The following ELMO1 variants were observed in gnomAD, a reference collection of about 807,000 sequenced individuals.
ELMO1 encodes the protein engulfment and cell motility 1, also known as engulfment and cell motility protein 1.
In ELMO1, 26 loss-of-function variants were observed where a neutral mutation model predicts 98.9. The ratio of observed to expected loss-of-function variants is 0.26; its 90% CI spans 0.19 to 0.36. ELMO1 has a LOEUF of 0.36. Among genes scored for constraint, ELMO1 ranks in the 10% least tolerant of loss-of-function variants. The pLI is 1.00. For missense variants in ELMO1, 627 were observed against 935.2 expected (o/e 0.67, Z 4.30); for synonymous variants, 346 against 346.0 (o/e 1.00, Z 0.00).
chr7:37,079,568 C>T (rs1488789531), intron 15 of ELMO1, among the ~76,000 whole-genome samples: 3 of 152,132 alleles, frequency 2.0e-5, no homozygotes, highest in African/African-American at 7.2e-5. Flanking sequence ...GCTCTTAACC[C>T]ATCTAGTTGG....
At chr7:37,346,816 T>C (rs1184490855) in intron 1 of ELMO1, among the ~76,000 whole-genome samples, 1 of 152,172 alleles carries the variant, frequency 6.6e-6, no homozygotes, top group Non-Finnish European at 1.5e-5. Flanking sequence ...GCAAAAAAGG[T>C]CATCTAACCT....
chr7:37,144,411 C>T (rs771877423), intron 13 of ELMO1, among the ~76,000 whole-genome samples: 4 of 152,168 alleles, frequency 2.6e-5, no homozygotes, highest in Non-Finnish European at 4.4e-5. Context: ...GACAAAAATA[C>T]TCTGAGAGCC....
At chr7:37,384,273 T>G (rs894883347) in intron 1 of ELMO1, among the ~76,000 whole-genome samples, 1 of 152,210 alleles carries the variant, frequency 6.6e-6, no homozygotes, top group South Asian at 2.1e-4. Context: ...ACGATTAAGA[T>G]GATACTATGC....
intron 1 of ELMO1, among the ~76,000 whole-genome samples, chr7:37,405,859 A>G (rs1803735906): frequency 6.6e-6 from 1 of 152,222 alleles, no homozygotes; most frequent in Admixed American, 6.5e-5. Context: ...TGGTCCCAAC[A>G]GCTAGCCTCT....
At chr7:37,142,529 C>A (rs774423211) in intron 13 of ELMO1, among the ~76,000 whole-genome samples, 4 of 152,214 alleles carry the variant, frequency 2.6e-5, no homozygotes, top group Non-Finnish European at 4.4e-5. Context: ...GCAATGATTT[C>A]ATTGGACAAT....
In ELMO1 at chr7:37,350,017, A is replaced by G. The variant is rs967711037; in HGVS notation, c.-73-7254T>C. ...AGTCTTTGTTTCCCATGGGAGCAGC[A>G]GTGGTGGGCACATGTCCCCCCACCT... On this transcript the variant is annotated intron_variant, in intron 1 of 21. Transcript: ENST00000310758. 3.9e-5 allele frequency among the ~76,000 whole-genome samples: 6 copies of G among 152,044 alleles called. No homozygotes were observed. The South Asian group carries it at 6.2e-4, about 16-fold the overall frequency.
At chr7:37,259,399 C>T (rs990284613) in intron 5 of ELMO1, 49 bp from the exon 6 acceptor site, 1 of 1,578,904 alleles carries the variant, frequency 6.3e-7, no homozygotes, top group Non-Finnish European at 8.6e-7. Context: ...GAAACCACAA[C>T]AGCAAAACAG....
chr7:37,076,045 C>T (rs1029145818), intron 15 of ELMO1, among the ~76,000 whole-genome samples: 5 of 152,186 alleles, frequency 3.3e-5, no homozygotes, highest in African/African-American at 1.2e-4. Context: ...CATCCCAGTA[C>T]ACAGGCAGAT....
intron 16 of ELMO1, among the ~76,000 whole-genome samples, chr7:36,920,644 G>C (rs1334666279): frequency 2.0e-5 from 3 of 151,966 alleles, no homozygotes; most frequent in East Asian, 3.9e-4. Context: ...AAAAAATCTG[G>C]CATAAAACAT....
At chr7:37,267,306 A>G (rs1459753453) in intron 5 of ELMO1, among the ~76,000 whole-genome samples, 1 of 152,176 alleles carries the variant, frequency 6.6e-6, no homozygotes. Context: ...CACGTATCAC[A>G]TTCTTACTAA....
intron 13 of ELMO1, among the ~76,000 whole-genome samples, chr7:37,193,233 A>T (rs1046856145): frequency 6.6e-6 from 1 of 151,794 alleles, no homozygotes; most frequent in Admixed American, 6.6e-5. Context: ...ATTCTTGGTG[A>T]GGGGGGAGGC....
chr7:36,911,457 G>A (rs1374350716), intron 16 of ELMO1, among the ~76,000 whole-genome samples: 1 of 152,148 alleles, frequency 6.6e-6, no homozygotes, highest in Non-Finnish European at 1.5e-5. Context: ...AAGCAAGGCT[G>A]TAAATGCTTG....
At position 37,292,094 on chromosome 7, in the gene ELMO1, C is replaced by T. The variant is rs563752802; in HGVS notation, c.193-20212G>A. On this transcript the variant is annotated intron_variant, in intron 4 of 21. Transcript: ENST00000310758. ...TGCCCAGTACCTGCGATTGCAGGCG[C>T]GCACCGCCACGCCTGACTGGTTTTC... Among the ~76,000 whole-genome samples, 409 of 125,418 alleles carry T rather than the reference C, an allele frequency of 3.3e-3. 67 individuals are homozygous for T. The highest frequency in any genetic ancestry group is 0.01 in the African/African-American group (385 of 38,170). 82.3% of individuals were successfully genotyped at this position (125,418 alleles called of 152,430 possible). A position where few individuals can be genotyped will look rare whatever the true frequency, so the allele number is the denominator to read the frequency against.
intron 1 of ELMO1, among the ~76,000 whole-genome samples, chr7:37,398,663 T>G (rs1467623511): frequency 7.3e-6 from 1 of 137,032 alleles, no homozygotes; most frequent in Non-Finnish European, 1.6e-5. Flanking sequence ...CCTGCTCACG[T>G]GTACTGCTGC....
rs908237591 is a variant in ELMO1 at position 37,402,523 on chromosome 7, G to A, written c.-74+46152C>T. Among the ~76,000 whole-genome samples the A allele has an allele frequency of 5.9e-5, 9 of 152,040 alleles. No individual in the cohort carries two copies. In the South Asian group the frequency reaches 6.2e-4, roughly 11 times the overall value. On this transcript the variant is annotated intron_variant, in intron 1 of 21. Coordinates refer to ENST00000310758, the MANE Select transcript of ELMO1 (RefSeq NM_014800.11). ...GAACTTGATGCCTGGTGCTACAGCC[G>A]CCATCTTAAGACCATGAAGTATGAG...
intron 6 of ELMO1, among the ~76,000 whole-genome samples, chr7:37,247,615 A>C (rs1004492924): frequency 6.6e-6 from 1 of 152,184 alleles, no homozygotes; most frequent in Non-Finnish European, 1.5e-5. Context: ...CCTTTAACAA[A>C]CCCAAATTAC....
intron 14 of ELMO1, among the ~76,000 whole-genome samples, chr7:37,101,984 T>C (rs951308707): frequency 9.2e-5 from 14 of 152,174 alleles, no homozygotes; most frequent in Non-Finnish European, 1.6e-4. Flanking sequence ...CCTGACCCAT[T>C]GGAGATCTTC....
intron 2 of ELMO1, among the ~76,000 whole-genome samples, chr7:37,335,371 G>A (rs901826224): frequency 6.6e-6 from 1 of 152,080 alleles, no homozygotes; most frequent in African/African-American, 2.4e-5. Flanking sequence ...ATGAATGTGC[G>A]GGAACAAGCG....
intron 13 of ELMO1, among the ~76,000 whole-genome samples, chr7:37,168,034 A>G (rs10435150): frequency 0.046 from 6,925 of 149,962 alleles, 173 homozygotes; most frequent in Middle Eastern, 0.13. Context: ...GGCTTTGTTC[A>G]TTTCTTTTTA....
Sources: allele counts gnomAD v4.1 joint callset (sites outside exome capture counted in the v4.1 genomes callset), GRCh38; gene constraint gnomAD v4.1.1; transcripts MANE v1.5; gene names NCBI Gene and HGNC (gene_info 2026-07-23, HGNC 2026-07-21).